The following EYA3 variants were observed in gnomAD, a reference collection of about 807,000 sequenced individuals.
The protein encoded by EYA3 is EYA transcriptional coactivator and phosphatase 3, also known as protein phosphatase EYA3.
Under a neutral mutation model 80.0 loss-of-function variants are expected in EYA3, and 39 were observed. That is an observed-to-expected ratio of 0.49 (90% confidence interval 0.38 to 0.64). The LOEUF is 0.64. Among genes scored for constraint, EYA3 ranks in the 30% least tolerant of loss-of-function variants. EYA3 has a pLI of 0.00. For synonymous variants in EYA3, 206 were observed against 232.8 expected, an observed-to-expected ratio of 0.88 and a Z score of 1.05; for missense variants, 523 against 676.1, an observed-to-expected ratio of 0.77 and a Z score of 2.51.
intron 2 of EYA3, among the ~76,000 whole-genome samples, chr1:28,053,300 AATTAC>A (rs1175611741): frequency 6.6e-6 from 1 of 152,186 alleles, no homozygotes; most frequent in African/African-American, 2.4e-5. Context: ...AGGATATGTA[AATTAC>A]ATGTCAATAA....
In EYA3 at chr1:28,003,270, AAACAACAACAAC is replaced by A. The variant is rs139958121; in HGVS notation, c.993+1054_993+1065del. ...AGGTGACACAGCGAGACTCCGTCTCAAACAACAACAACAACAACAACAACAACAACAACAACA... is the reference window on the plus strand; with the variant it reads ...AGGTGACACAGCGAGACTCCGTCTCAAACAACAACAACAACAACAACAACA... On this transcript the variant is annotated intron_variant, in intron 11 of 17. Coordinates refer to ENST00000373871, the MANE Select transcript of EYA3 (RefSeq NM_001990.4). Among the ~76,000 whole-genome samples, 839 of 145,804 alleles carry A rather than the reference AAACAACAACAAC, an allele frequency of 5.8e-3. 5 individuals are homozygous for A. Among genetic ancestry groups the A allele is most frequent in the African/African-American group, 0.012 (480 of 39,068 alleles).
intron 13 of EYA3, among the ~76,000 whole-genome samples, chr1:27,995,294 C>T (rs1009218608): frequency 3.3e-5 from 5 of 151,480 alleles, no homozygotes; most frequent in Admixed American, 3.3e-4. Context: ...CGCCTGTGGG[C>T]CCAGCTACTC....
chr1:28,086,890 AAC>A (rs1338161373), intron 1 of EYA3, among the ~76,000 whole-genome samples: 1 of 152,240 alleles, frequency 6.6e-6, no homozygotes, highest in Non-Finnish European at 1.5e-5. Context: ...TTCTAGGACT[AAC>A]ATGGCCAAGC....
chr1:28,028,209 A>C (rs1173550041), intron 6 of EYA3, among the ~76,000 whole-genome samples: 1 of 152,170 alleles, frequency 6.6e-6, no homozygotes, highest in Non-Finnish European at 1.5e-5. Context: ...AGGATTCAGA[A>C]AAAAAGAGTT....
At chr1:28,061,125 A>C (rs1644607166) in intron 1 of EYA3, among the ~76,000 whole-genome samples, 1 of 152,274 alleles carries the variant, frequency 6.6e-6, no homozygotes, top group African/African-American at 2.4e-5. Flanking sequence ...CTACAAGGAA[A>C]GAATAGATTA....
chr1:28,060,091 G>A (rs954769359), intron 1 of EYA3, among the ~76,000 whole-genome samples: 1 of 152,138 alleles, frequency 6.6e-6, no homozygotes, highest in African/African-American at 2.4e-5. Flanking sequence ...TGAAGGCCAT[G>A]ACTATAAAAC....
intron 1 of EYA3, among the ~76,000 whole-genome samples, chr1:28,080,751 T>TTTTG (rs887043392): frequency 3.3e-5 from 5 of 152,166 alleles, no homozygotes; most frequent in Non-Finnish European, 5.9e-5. Flanking sequence ...TGGTTCTCTT[T>TTTTG]TTTGTTTGTT....
chr1:28,084,904 A>G (rs1462727233), intron 1 of EYA3, among the ~76,000 whole-genome samples: 2 of 151,860 alleles, frequency 1.3e-5, no homozygotes, highest in African/African-American at 4.8e-5. Context: ...TAAAATACAC[A>G]TTTCTATTTT....
At chr1:27,995,625 A>G (rs982407075) in intron 13 of EYA3, among the ~76,000 whole-genome samples, 26 of 151,486 alleles carry the variant, frequency 1.7e-4, no homozygotes, top group African/African-American at 6.0e-4. Flanking sequence ...GGTCCTAGCT[A>G]TTTTGGGGGC....
chr1:28,077,101 A>C (rs538086538), intron 1 of EYA3, among the ~76,000 whole-genome samples: 1 of 146,624 alleles, frequency 6.8e-6, no homozygotes, highest in South Asian at 2.2e-4. Context: ...TTTACAAAAC[A>C]ATCTTTTTTT....
At chr1:27,985,399 TCAA>T (rs923997036) in intron 16 of EYA3, among the ~76,000 whole-genome samples, 2 of 151,880 alleles carry the variant, frequency 1.3e-5, no homozygotes, top group African/African-American at 4.8e-5. Context: ...ATTTGACCCA[TCAA>T]CAACATTAGA....
chr1:27,975,766 G>A (rs1203595940), intron 17 of EYA3, among the ~76,000 whole-genome samples: 2 of 151,892 alleles, frequency 1.3e-5, no homozygotes, highest in African/African-American at 2.4e-5. Context: ...TTACAGGCGT[G>A]AGCCACCGTG....
chr1:28,046,387 G>T (rs1557611909), intron 3 of EYA3, among the ~76,000 whole-genome samples: 2 of 152,180 alleles, frequency 1.3e-5, no homozygotes, highest in Non-Finnish European at 2.9e-5. Flanking sequence ...TCAGAGGAAA[G>T]ATAAACAATA....
At chr1:28,064,930 T>C (rs1188250231) in intron 1 of EYA3, among the ~76,000 whole-genome samples, 1 of 152,236 alleles carries the variant, frequency 6.6e-6, no homozygotes, top group Non-Finnish European at 1.5e-5. Context: ...AGCAATAATG[T>C]TGCAGGTTGA....
At chr1:28,030,555 G>A (rs1643080776) in intron 6 of EYA3, among the ~76,000 whole-genome samples, 1 of 152,148 alleles carries the variant, frequency 6.6e-6, no homozygotes, top group South Asian at 2.1e-4. Context: ...CCAAAGTGCT[G>A]GGATTATAGG....
At chr1:28,017,060 G>T in intron 8 of EYA3, 94 bp downstream of exon 8, 1 of 1,071,648 alleles carries the variant, frequency 9.3e-7, no homozygotes, top group Non-Finnish European at 1.4e-6. Flanking sequence ...TACTATTCCT[G>T]GTTGTTTCTT....
chr1:28,019,478 A>G (rs1228613029), intron 7 of EYA3, among the ~76,000 whole-genome samples: 3 of 152,172 alleles, frequency 2.0e-5, no homozygotes, highest in Non-Finnish European at 4.4e-5. Context: ...TAGGAAAAGA[A>G]TTTTGAATGG....
chr1:28,003,000 T>C (rs1454466113), intron 11 of EYA3, among the ~76,000 whole-genome samples: 11 of 149,284 alleles, frequency 7.4e-5, no homozygotes, highest in Non-Finnish European at 1.5e-5. Context: ...CTCACGCTTG[T>C]AATCCCAGCA....
chr1:28,008,056 G>T (rs7545441), intron 10 of EYA3, among the ~76,000 whole-genome samples: 2 of 151,906 alleles, frequency 1.3e-5, no homozygotes, highest in East Asian at 3.9e-4. Context: ...TAAACCGAGA[G>T]TCTAAAAATA....
Sources: gnomAD v4.1 joint callset for allele counts (sites outside exome capture counted in the v4.1 genomes callset) on GRCh38, gnomAD v4.1.1 for gene constraint, MANE v1.5 for transcripts, NCBI Gene and HGNC (gene_info 2026-07-23, HGNC 2026-07-21) for gene names.